SKAP1: variants seen among roughly 807,000 people sequenced by gnomAD.
SKAP1 encodes the protein src kinase-associated phosphoprotein 1.
SKAP1 carries 44 observed loss-of-function variants against 58.5 expected under a neutral mutation model. The ratio of observed to expected loss-of-function variants is 0.75; its 90% CI spans 0.59 to 0.97. The LOEUF is 0.97. Ranked by LOEUF, SKAP1 falls within the 50% of genes least tolerant of loss-of-function variation. SKAP1 has a pLI of 0.00. For missense variants in SKAP1, 390 were observed against 435.2 expected (o/e 0.90, Z 0.92); for synonymous variants, 127 against 149.7 (o/e 0.85, Z 1.11).
intron 4 of SKAP1, among the ~76,000 whole-genome samples, chr17:48,342,298 C>T (rs1311538221): frequency 1.3e-5 from 2 of 152,122 alleles, no homozygotes; most frequent in Non-Finnish European, 2.9e-5. Flanking sequence ...AAATTGTGGG[C>T]ATTTACAAAG....
At position 48,402,848 on chromosome 17, in the gene SKAP1, A is replaced by G. The variant is rs188545699; in HGVS notation, c.47-6063T>C. Among the ~76,000 whole-genome samples the G allele has an allele frequency of 4.7e-4, 71 of 152,334 alleles. 1 individual carries two copies. Among genetic ancestry groups the G allele is most frequent in the Admixed American group, 1.3e-3 (20 of 15,312 alleles). On this transcript the variant is annotated intron_variant, in intron 1 of 12. Transcript: ENST00000336915. The stretch of plus-strand genomic sequence containing the variant: ...CCACATATCGTATGATTCCATTTAC[A>G]TGAAATGTATAGAATAGGCAGATCT...
chr17:48,275,008 C>G (rs1042308553), intron 4 of SKAP1, among the ~76,000 whole-genome samples: 16 of 152,192 alleles, frequency 1.1e-4, no homozygotes, highest in South Asian at 2.1e-4. Context: ...GTGTCTTATA[C>G]TTTCAATCCC....
At chr17:48,250,863 A>G (rs1164867060) in intron 4 of SKAP1, among the ~76,000 whole-genome samples, 4 of 152,168 alleles carry the variant, frequency 2.6e-5, no homozygotes, top group Non-Finnish European at 5.9e-5. Context: ...TCAGGGAGAC[A>G]AGTAACTTAA....
intron 4 of SKAP1, among the ~76,000 whole-genome samples, chr17:48,213,232 C>T (rs917065925): frequency 2.0e-5 from 3 of 151,230 alleles, no homozygotes; most frequent in Non-Finnish European, 4.4e-5. Flanking sequence ...ATTTCAGCTA[C>T]TTGGGAGGCT....
chr17:48,137,458 T>G (rs549412226), intron 11 of SKAP1, 121 bp from the exon 12 acceptor site: 33 of 642,816 alleles, frequency 5.1e-5, no homozygotes, highest in Admixed American at 2.1e-4. Flanking sequence ...CACTGTGAAC[T>G]GTTAACTTCC....
chr17:48,182,816 G>A (rs757973122), intron 7 of SKAP1, among the ~76,000 whole-genome samples: 2 of 152,324 alleles, frequency 1.3e-5, no homozygotes, highest in Middle Eastern at 6.8e-3. Flanking sequence ...GGCACATTTT[G>A]TAACAACCGG....
chr17:48,137,884 T>C (rs2063721055), intron 11 of SKAP1, among the ~76,000 whole-genome samples: 1 of 152,236 alleles, frequency 6.6e-6, no homozygotes, highest in African/African-American at 2.4e-5. Context: ...CCTTAGGTTC[T>C]CCTAGCTTTA....
intron 4 of SKAP1, among the ~76,000 whole-genome samples, chr17:48,235,908 T>G: frequency 6.6e-6 from 1 of 152,170 alleles, no homozygotes. Context: ...GGTATGTAGC[T>G]CAAGGGACCA....
intron 2 of SKAP1, among the ~76,000 whole-genome samples, chr17:48,376,358 A>C (rs2067150920): frequency 6.6e-6 from 1 of 152,148 alleles, no homozygotes. Flanking sequence ...GCACCATAGG[A>C]GTTTAAAAGT....
At chr17:48,244,458 T>C (rs1479981734) in intron 4 of SKAP1, among the ~76,000 whole-genome samples, 1 of 152,140 alleles carries the variant, frequency 6.6e-6, no homozygotes. Context: ...CATTTCCTTC[T>C]CCCCTTGCTA....
chr17:48,329,252 TA>T (rs11354025), intron 4 of SKAP1, among the ~76,000 whole-genome samples: 32,068 of 151,996 alleles, frequency 0.21, 3,360 homozygotes, highest in Admixed American at 0.22. Flanking sequence ...ATACTGGACT[TA>T]AAAGATAACT....
At chr17:48,163,871 G>A (rs2064103185) in intron 10 of SKAP1, among the ~76,000 whole-genome samples, 1 of 152,148 alleles carries the variant, frequency 6.6e-6, no homozygotes, top group South Asian at 2.1e-4. Context: ...GAATCTTAAA[G>A]GGTACAAAAA....
intron 1 of SKAP1, among the ~76,000 whole-genome samples, chr17:48,424,522 G>T (rs1311010205): frequency 6.6e-6 from 1 of 151,620 alleles, no homozygotes. Flanking sequence ...ACCGCGCCCG[G>T]CCCTCTGGGA....
intron 4 of SKAP1, among the ~76,000 whole-genome samples, chr17:48,225,619 C>A (rs1338433871): frequency 6.6e-6 from 1 of 152,068 alleles, no homozygotes; most frequent in South Asian, 2.1e-4. Flanking sequence ...CCTAGATGCC[C>A]ATGGAAAAAA....
At chr17:48,157,237 T>C (rs892871728) in intron 11 of SKAP1, among the ~76,000 whole-genome samples, 8 of 57,582 alleles carry the variant, frequency 1.4e-4, no homozygotes, top group African/African-American at 5.6e-4. Flanking sequence ...CTGGGGAGCA[T>C]CTTTTTTTTT....
intron 4 of SKAP1, chr17:48,308,302 C>T (rs1238462077): frequency 6.6e-6 from 1 of 152,110 alleles, no homozygotes; most frequent in African/African-American, 2.4e-5. Flanking sequence ...TCCAGAGGAA[C>T]CTAATTTTGT....
chr17:48,219,833 G>C (rs765850227), intron 4 of SKAP1, among the ~76,000 whole-genome samples: 2 of 152,198 alleles, frequency 1.3e-5, no homozygotes, highest in African/African-American at 4.8e-5. Context: ...AGCAGCCACA[G>C]ATAACAGTTC....
At chr17:48,385,797 T>A (rs566613927) in intron 2 of SKAP1, among the ~76,000 whole-genome samples, 1 of 152,024 alleles carries the variant, frequency 6.6e-6, no homozygotes, top group East Asian at 1.9e-4. Context: ...TATTGTGGGG[T>A]TTGGTTATAA....
chr17:48,411,088 C>T (rs1182355317), intron 1 of SKAP1, among the ~76,000 whole-genome samples: 1 of 151,938 alleles, frequency 6.6e-6, no homozygotes, highest in Non-Finnish European at 1.5e-5. Flanking sequence ...ATACTTATAT[C>T]AATAAATGGT....
Sources: gnomAD v4.1 joint callset for allele counts (sites outside exome capture counted in the v4.1 genomes callset) on GRCh38, gnomAD v4.1.1 for gene constraint, MANE v1.5 for transcripts, NCBI Gene and HGNC (gene_info 2026-07-23, HGNC 2026-07-21) for gene names.